The following SHCBP1 variants were observed in gnomAD, a reference collection of about 807,000 sequenced individuals.
SHCBP1 encodes SHC binding and spindle associated 1.
SHCBP1 carries 60 observed loss-of-function variants against 75.1 expected under a neutral mutation model. That is an observed-to-expected ratio of 0.80 (90% CI 0.65 to 0.99). SHCBP1 has a LOEUF of 0.99. Ranked by LOEUF, SHCBP1 falls within the 50% of genes least tolerant of loss-of-function variation. The probability of loss-of-function intolerance (pLI) is 0.00; values close to 1 mark genes in which losing one functional copy is unlikely to be tolerated. For synonymous variants in SHCBP1, 290 were observed against 293.2 expected, an observed-to-expected ratio of 0.99 and a Z score of 0.11; for missense variants, 709 against 809.4, an observed-to-expected ratio of 0.88 and a Z score of 1.50.
At chr16:46,589,610 C>T (rs999779372) in intron 10 of SHCBP1, among the ~76,000 whole-genome samples, 1 of 152,126 alleles carries the variant, frequency 6.6e-6, no homozygotes. Flanking sequence ...AGGAATCCAA[C>T]TTATAAGGGA....
chr16:46,586,842 A>G (rs1964961437), intron 10 of SHCBP1, among the ~76,000 whole-genome samples: 1 of 152,184 alleles, frequency 6.6e-6, no homozygotes, highest in Non-Finnish European at 1.5e-5. Flanking sequence ...GAATCCTATA[A>G]CCAGTGAAAA....
intron 1 of SHCBP1, 134 bp downstream of exon 1, chr16:46,621,123 G>T: frequency 6.8e-6 from 5 of 739,584 alleles, no homozygotes; most frequent in Non-Finnish European, 1.0e-5. Context: ...ACTGGGTCCC[G>T]GCCGCGCACC....
In SHCBP1 at chr16:46,581,800, TCTC is replaced by T. The variant is rs754578598; in HGVS notation, c.1945_1947del (p.Glu649del). On this transcript the variant is annotated inframe_deletion, in exon 13 of 13. Transcript: ENST00000303383. ...TGGTTCCCCACAATCCCAACAAACATCTCCTGTGACATTAAGTTGTCATCAGCT... is the reference window on the plus strand; with the variant it reads ...TGGTTCCCCACAATCCCAACAAACATCTGTGACATTAAGTTGTCATCAGCT... 1 of 1,614,112 alleles carries T rather than the reference TCTC, an allele frequency of 6.2e-7. No homozygotes were observed. The highest frequency in any genetic ancestry group is 1.7e-5 in the Admixed American group (1 of 60,012).
At chr16:46,599,689 A>AAAAAAAAAAAAAAAACACAGC in intron 9 of SHCBP1, 142 bp downstream of exon 9, 1 of 213,434 alleles carries the variant, frequency 4.7e-6, no homozygotes, top group Non-Finnish European at 7.3e-6. Flanking sequence ...AAAAAAAAAA[A>AAAAAAAAAAAAAAAACACAGC]AAACTCAGCA....
At chr16:46,608,179 G>C (rs1414638668) in intron 5 of SHCBP1, 118 bp downstream of exon 5, 4 of 639,410 alleles carry the variant, frequency 6.3e-6, no homozygotes, top group African/African-American at 1.8e-5. Context: ...AAATCAGAGA[G>C]AGAGAGTGAG....
At chr16:46,583,936 A>C in intron 11 of SHCBP1, 67 bp downstream of exon 11, 1 of 1,362,306 alleles carries the variant, frequency 7.3e-7, no homozygotes, top group Non-Finnish European at 1.0e-6. Flanking sequence ...CAACAATTTA[A>C]TAAAGCATAA....
chr16:46,583,794 C>G, intron 11 of SHCBP1, 137 bp from the exon 12 acceptor site: 2 of 1,075,610 alleles, frequency 1.9e-6, no homozygotes, highest in Non-Finnish European at 2.7e-6. Context: ...CAGTCTGCAC[C>G]CTTAGTGACA....
At chr16:46,592,964 A>AAAAAAAAAAAAAAAAAAC in intron 10 of SHCBP1, among the ~76,000 whole-genome samples, 1 of 144,588 alleles carries the variant, frequency 6.9e-6, no homozygotes, top group Non-Finnish European at 1.5e-5. Context: ...AAAAAAAAAA[A>AAAAAAAAAAAAAAAAAAC]AAAAAAAAAA....
At chr16:46,613,663 G>C (rs1050736525) in intron 4 of SHCBP1, among the ~76,000 whole-genome samples, 1 of 152,092 alleles carries the variant, frequency 6.6e-6, no homozygotes, top group Admixed American at 6.5e-5. Context: ...CCTAATTTTA[G>C]GACACTCTGT....
intron 4 of SHCBP1, among the ~76,000 whole-genome samples, chr16:46,615,582 A>G (rs1285158775): frequency 6.6e-6 from 1 of 152,124 alleles, no homozygotes; most frequent in Non-Finnish European, 1.5e-5. Flanking sequence ...TCTACTAAAA[A>G]TACAAAAATT....
rs1412824461 is a variant in SHCBP1, at chr16:46,599,680, A to AC, written c.1345+150_1345+151insG. 8 of 293,470 alleles carry AC rather than the reference A, an allele frequency of 2.7e-5. No homozygotes were observed. The East Asian group carries it at 4.0e-4, about 15-fold the overall frequency. 18.2% of individuals were successfully genotyped at this position (293,470 alleles called of 1,614,324 possible). On this transcript the variant is annotated intron_variant, in intron 9 of 12. Transcript: ENST00000303383. ...CAACCTTCAATTTGTAAAAAAAAAA[A>AC]AAAAAAAAAAAACTCAGCATCGTGA...
intron 7 of SHCBP1, 25 bp from the exon 8 acceptor site, chr16:46,603,684 G>A (rs1305257017): frequency 1.9e-6 from 3 of 1,613,192 alleles, no homozygotes; most frequent in Non-Finnish European, 2.5e-6. Flanking sequence ...GAACACATTT[G>A]TAAATATACA....
At position 46,599,862 on chromosome 16, in the gene SHCBP1, A is replaced by C; in HGVS notation, c.1314T>G (p.Phe438Leu). 6.2e-7 allele frequency: 1 copy of C among 1,611,894 alleles called. No homozygotes were observed. The highest frequency in any genetic ancestry group is 1.1e-5 in the South Asian group (1 of 90,472). The change falls in exon 9 of 13, where the codon TTT becomes TTG. Residue 438 changes from phenylalanine (F) to leucine (L), a missense_variant. Physicochemically the swap from Phe to Leu is conservative, Grantham distance 22. Transcript: ENST00000303383. ...GADIKISGIKFVQHDAVEGIL... is the reference protein window; with the variant it reads ...GADIKISGIKLVQHDAVEGIL... ...TTCCCTCTACAGCATCATGCTGAAC[A>C]AATTTTATGCCTGAGATTTTAATAT...
intron 1 of SHCBP1, chr16:46,620,456 C>G (rs183798954): frequency 3.9e-5 from 6 of 152,158 alleles, no homozygotes; most frequent in African/African-American, 1.4e-4. Context: ...ATAAGCGATG[C>G]CATGCAGTAT....
At chr16:46,595,911 C>A (rs1257807117) in intron 9 of SHCBP1, among the ~76,000 whole-genome samples, 1 of 151,948 alleles carries the variant, frequency 6.6e-6, no homozygotes, top group African/African-American at 2.4e-5. Context: ...AAAGCACTTT[C>A]CATTACCAGA....
At chr16:46,590,843 T>C (rs956547209) in intron 10 of SHCBP1, among the ~76,000 whole-genome samples, 2 of 152,226 alleles carry the variant, frequency 1.3e-5, no homozygotes, top group Admixed American at 6.5e-5. Context: ...TTATGAATCA[T>C]GCTGCTATAA....
At chr16:46,585,243 G>A (rs1964938911) in intron 10 of SHCBP1, among the ~76,000 whole-genome samples, 1 of 152,180 alleles carries the variant, frequency 6.6e-6, no homozygotes, top group South Asian at 2.1e-4. Context: ...AAAAGGAACA[G>A]ATAATTTGGC....
chr16:46,587,804 C>A (rs1182443753), intron 10 of SHCBP1, among the ~76,000 whole-genome samples: 1 of 152,122 alleles, frequency 6.6e-6, no homozygotes, highest in Non-Finnish European at 1.5e-5. Context: ...CAGCTCTGCA[C>A]CAAGCGGACC....
chr16:46,595,285 A>G (rs1035391003), intron 10 of SHCBP1, among the ~76,000 whole-genome samples: 1 of 89,878 alleles, frequency 1.1e-5, no homozygotes, highest in Admixed American at 1.4e-4. Flanking sequence ...TACTTCTTAC[A>G]ACACTGTGTG....
Sources: allele counts gnomAD v4.1 joint callset (sites outside exome capture counted in the v4.1 genomes callset), GRCh38; gene constraint gnomAD v4.1.1; transcripts MANE v1.5; gene names NCBI Gene and HGNC (gene_info 2026-07-23, HGNC 2026-07-21).